Variants in KATNBL1 observed in about 807,000 individuals in gnomAD.
KATNBL1 encodes the protein katanin regulatory subunit B1 like 1.
In KATNBL1, 28 loss-of-function variants were observed where a neutral mutation model predicts 44.7. The ratio of observed to expected loss-of-function variants is 0.63; its 90% CI spans 0.46 to 0.86. KATNBL1 has a LOEUF of 0.86. KATNBL1 is among the 40% of genes least tolerant of loss of function. KATNBL1 has a pLI of 0.00. For missense variants in KATNBL1, 272 were observed against 350.7 expected (o/e 0.78, Z 1.79); for synonymous variants, 78 against 114.9 (o/e 0.68, Z 2.06).
chr15:34,183,931 G>A (rs1017639115), intron 1 of KATNBL1, among the ~76,000 whole-genome samples: 2 of 152,202 alleles, frequency 1.3e-5, no homozygotes, highest in Non-Finnish European at 2.9e-5. Context: ...CACTCTGGGA[G>A]GCCGAGGCAG....
chr15:34,196,981 T>C (rs1032168565), intron 1 of KATNBL1, among the ~76,000 whole-genome samples: 4 of 152,252 alleles, frequency 2.6e-5, no homozygotes, highest in Non-Finnish European at 5.9e-5. Flanking sequence ...ATATTTTAAA[T>C]TCCTATTTCC....
At chr15:34,201,450 GA>G (rs1349408838) in intron 1 of KATNBL1, among the ~76,000 whole-genome samples, 1 of 152,194 alleles carries the variant, frequency 6.6e-6, no homozygotes, top group African/African-American at 2.4e-5. Flanking sequence ...GGTGAAGGGA[GA>G]AGACTTTTCC....
At chr15:34,177,535 T>C (rs1889371383) in intron 1 of KATNBL1, among the ~76,000 whole-genome samples, 1 of 149,300 alleles carries the variant, frequency 6.7e-6, no homozygotes, top group Non-Finnish European at 1.5e-5. Context: ...TCCCAGCTAC[T>C]TGGGAGGCTG....
intron 2 of KATNBL1, among the ~76,000 whole-genome samples, chr15:34,156,591 G>A (rs1888645392): frequency 6.6e-6 from 1 of 152,202 alleles, no homozygotes; most frequent in Non-Finnish European, 1.5e-5. Flanking sequence ...CTTGTCATTA[G>A]ATGGAGGAAG....
At chr15:34,181,870 C>CATATATATATATCCATATATAT (rs1555529430) in intron 1 of KATNBL1, among the ~76,000 whole-genome samples, 1 of 73,102 alleles carries the variant, frequency 1.4e-5, no homozygotes, top group African/African-American at 6.0e-5. Flanking sequence ...TATATATATC[C>CATATATATATATCCATATATAT]ATATATATAT....
Position 34,142,213 on chromosome 15 carries a change from T to C in KATNBL1, c.*126A>G, listed in dbSNP as rs949299605. On this transcript the variant is annotated 3_prime_UTR_variant, in exon 10 of 10. Transcript: ENST00000256544. ...TTAGTGGTTTCATTACGTGGCTTTTTAAAAGAAAAAATAGTTTTGATTTCT... is the reference window on the plus strand; with the variant it reads ...TTAGTGGTTTCATTACGTGGCTTTTCAAAAGAAAAAATAGTTTTGATTTCT... The C allele has an allele frequency of 1.2e-5, 12 of 1,015,070 alleles. No homozygotes were observed. The highest frequency in any genetic ancestry group is 1.1e-4 in the Admixed American group (3 of 28,028). 62.9% of individuals were successfully genotyped at this position (1,015,070 alleles called of 1,614,324 possible). A position where few individuals can be genotyped will look rare whatever the true frequency, so the allele number is the denominator to read the frequency against.
At chr15:34,159,765 T>C (rs1174030768) in intron 2 of KATNBL1, among the ~76,000 whole-genome samples, 1 of 152,242 alleles carries the variant, frequency 6.6e-6, no homozygotes, top group Non-Finnish European at 1.5e-5. Flanking sequence ...TTAGAATTAA[T>C]TCTCTTAATA....
chr15:34,160,092 A>G lies in KATNBL1; in HGVS notation c.117+3468T>C, dbSNP rs143192963. Among the ~76,000 whole-genome samples the G allele has an allele frequency of 4.0e-4, 61 of 152,352 alleles. No homozygotes were observed. In the East Asian group the frequency reaches 0.01, roughly 25 times the overall value. On this transcript the variant is annotated intron_variant, in intron 2 of 9. Coordinates refer to ENST00000256544, the MANE Select transcript of KATNBL1 (RefSeq NM_024713.3). ...GTCTTCCTCAAAAGCTCTAAGTGGC[A>G]TGACTTTTTCTTCCTTTTCTCATTC...
rs58824450 is a variant in KATNBL1 at position 34,151,436 on chromosome 15, C to CTTTT, written c.438+1350_438+1353dup. On this transcript the variant is annotated intron_variant, in intron 4 of 9. Transcript: ENST00000256544. ...AAGTGTCTATTGTGTCCTTTGCCTA[C>CTTTT]TTTTTTTTTTTTTTTTTTTTTTTTT... Among the ~76,000 whole-genome samples the CTTTT allele has an allele frequency of 2.4e-3, 145 of 60,668 alleles. 14 individuals carry two copies. Among genetic ancestry groups the CTTTT allele is most frequent in the African/African-American group, 3.7e-3 (55 of 14,924 alleles). The allele number at this position is 60,668 out of a possible 152,430, so 39.8% of individuals were successfully genotyped here.
In KATNBL1 at chr15:34,145,390, T is replaced by C. The variant is rs769882522; in HGVS notation, c.882+8A>G. 19 of 1,428,506 alleles carry C rather than the reference T, an allele frequency of 1.3e-5. No homozygotes were observed. The highest frequency in any genetic ancestry group is 5.1e-5 in the Admixed American group (2 of 39,186). 88.5% of individuals were successfully genotyped at this position (1,428,506 alleles called of 1,614,324 possible). On this transcript the variant is annotated splice_region_variant and intron_variant, in intron 9 of 9. Coordinates refer to ENST00000256544, the MANE Select transcript of KATNBL1 (RefSeq NM_024713.3). ...AATGTTTAATTTATAAGCTTAAATA[T>C]AGATTACCTTAGCTATATTACCAGT...
intron 1 of KATNBL1, among the ~76,000 whole-genome samples, chr15:34,202,205 C>T (rs1049593692): frequency 2.0e-5 from 3 of 152,184 alleles, no homozygotes; most frequent in Admixed American, 1.3e-4. Flanking sequence ...AGACTCTCTA[C>T]ATATGAGAGG....
Position 34,141,370 on chromosome 15 carries a change from T to C in KATNBL1, c.*969A>G, listed in dbSNP as rs1157603063. On this transcript the variant is annotated 3_prime_UTR_variant, in exon 10 of 10. Coordinates refer to ENST00000256544, the MANE Select transcript of KATNBL1 (RefSeq NM_024713.3). ...TAGTGAAAAAGAATTAGAATTCATA[T>C]AAAATCAGAATTTAAAAAAGCAAAA... 6.6e-6 allele frequency: 1 copy of C among 152,548 alleles called. No individual in the cohort carries two copies. The highest frequency in any genetic ancestry group is 1.5e-5 in the Non-Finnish European group (1 of 67,980). 9.4% of individuals were successfully genotyped at this position (152,548 alleles called of 1,614,324 possible). A position where few individuals can be genotyped will look rare whatever the true frequency, so the allele number is the denominator to read the frequency against.
intron 1 of KATNBL1, among the ~76,000 whole-genome samples, chr15:34,194,301 G>T (rs575729471): frequency 6.6e-6 from 1 of 152,094 alleles, no homozygotes; most frequent in South Asian, 2.1e-4. Flanking sequence ...CATGTTAAAA[G>T]ATTTTTTTTT....
intron 2 of KATNBL1, among the ~76,000 whole-genome samples, chr15:34,163,102 G>T (rs1888858159): frequency 1.4e-5 from 2 of 144,720 alleles, no homozygotes; most frequent in African/African-American, 5.1e-5. Flanking sequence ...AGAATGCAAT[G>T]GCGCGATCTC....
At chr15:34,199,001 G>C (rs1468616000) in intron 1 of KATNBL1, among the ~76,000 whole-genome samples, 1 of 152,152 alleles carries the variant, frequency 6.6e-6, no homozygotes, top group African/African-American at 2.4e-5. Flanking sequence ...ATGGATTCTG[G>C]GGAGGAGGTG....
chr15:34,155,779 C>T (rs139025829), intron 2 of KATNBL1, among the ~76,000 whole-genome samples: 3 of 152,112 alleles, frequency 2.0e-5, no homozygotes, highest in South Asian at 4.1e-4. Context: ...GTTAATAAAC[C>T]GCTGTTGGTT....
chr15:34,149,666 C>G (rs1597425716), intron 4 of KATNBL1, among the ~76,000 whole-genome samples: 1 of 152,228 alleles, frequency 6.6e-6, no homozygotes. Context: ...CTCACATGAT[C>G]CGCCTGCCTT....
chr15:34,166,312 G>A (rs117013955), intron 1 of KATNBL1, among the ~76,000 whole-genome samples: 9,733 of 152,330 alleles, frequency 0.064, 444 homozygotes, highest in Non-Finnish European at 0.1. Context: ...CAGGTCCCAC[G>A]CCCACGGAGC....
At position 34,177,373 on chromosome 15, in the gene KATNBL1, G is replaced by A. The variant is rs758490883; in HGVS notation, c.-14-13683C>T. ...GATTAAACAGCTCTAGGCTGGGAGC[G>A]GTGGCTCACACATGTAATCCCAGCA... On this transcript the variant is annotated intron_variant, in intron 1 of 9. Transcript: ENST00000256544. 2.2e-4 allele frequency among the ~76,000 whole-genome samples: 34 copies of A among 152,082 alleles called. 1 individual carries two copies. Among genetic ancestry groups the A allele is most frequent in the Non-Finnish European group, 4.0e-4 (27 of 67,974 alleles).
Sources: allele counts gnomAD v4.1 joint callset (sites outside exome capture counted in the v4.1 genomes callset), GRCh38; gene constraint gnomAD v4.1.1; transcripts MANE v1.5; gene names NCBI Gene and HGNC (gene_info 2026-07-23, HGNC 2026-07-21).